Variants in GORASP2 observed in about 807,000 individuals in gnomAD.
GORASP2 encodes Golgi reassembly-stacking protein 2.
In GORASP2, 22 loss-of-function variants were observed where a neutral mutation model predicts 45.7. The observed-to-expected ratio is 0.48, with a 90% CI of 0.34 to 0.69. The LOEUF is 0.69. GORASP2 is among the 30% of genes least tolerant of loss of function. The pLI is 0.01. For synonymous variants in GORASP2, 221 were observed against 215.6 expected, an observed-to-expected ratio of 1.02 and a Z score of -0.22; for missense variants, 491 against 562.7, an observed-to-expected ratio of 0.87 and a Z score of 1.29.
At chr2:170,949,386 C>G (rs1280094090) in intron 2 of GORASP2, 153 bp from the exon 3 acceptor site, 2 of 596,862 alleles carry the variant, frequency 3.4e-6, no homozygotes, top group African/African-American at 1.9e-5. Flanking sequence ...TCTTGACATT[C>G]TTTTACATAG....
Position 170,966,158 on chromosome 2 carries a change from G to A in GORASP2, c.*28G>A, listed in dbSNP as rs1575482771. On this transcript the variant is annotated 3_prime_UTR_variant, in exon 10 of 10. Coordinates refer to ENST00000234160, the MANE Select transcript of GORASP2 (RefSeq NM_015530.5). ...TTGAACCATTCTTTGGAATTGGCGT[G>A]GTATATTTAACCACGGGAGCGTGTC... 3 of 1,530,090 alleles carry A rather than the reference G, an allele frequency of 2.0e-6. No individual in the cohort carries two copies. Among genetic ancestry groups the A allele is most frequent in the Non-Finnish European group, 2.7e-6 (3 of 1,103,678 alleles). 94.8% of individuals were successfully genotyped at this position (1,530,090 alleles called of 1,614,324 possible).
chr2:170,929,361 C>T lies in GORASP2; in HGVS notation c.21C>T (p.Val7=). 1 of 1,404,956 alleles carries T rather than the reference C, an allele frequency of 7.1e-7. No individual in the cohort carries two copies. The highest frequency in any genetic ancestry group is 9.3e-7 in the Non-Finnish European group (1 of 1,078,216). 87.0% of individuals were successfully genotyped at this position (1,404,956 alleles called of 1,614,324 possible). ...CCGCCATGGGCTCCTCGCAAAGCGT[C>T]GAGATCCCGGGCGGGGGCACCGAGG... MGSSQS[V]EIPGGGTEGY... is the part of the protein sequence containing the mutation. The change falls in exon 1 of 10, where the codon GTC becomes GTT. Residue 7 remains valine, a synonymous_variant. Transcript: ENST00000234160.
intron 1 of GORASP2, among the ~76,000 whole-genome samples, chr2:170,930,398 G>C (rs935096267): frequency 6.6e-6 from 1 of 152,164 alleles, no homozygotes; most frequent in Non-Finnish European, 1.5e-5. Flanking sequence ...GGGTGTAATA[G>C]AGTGTCACTC....
intron 4 of GORASP2, among the ~76,000 whole-genome samples, chr2:170,950,571 A>G (rs921852245): frequency 1.3e-5 from 2 of 152,186 alleles, no homozygotes; most frequent in African/African-American, 2.4e-5. Flanking sequence ...CTCATTTTCA[A>G]TTGTTCATTG....
intron 8 of GORASP2, 34 bp from the exon 9 acceptor site, chr2:170,962,805 A>G (rs760824936): frequency 3.6e-6 from 5 of 1,386,596 alleles, no homozygotes; most frequent in Admixed American, 1.7e-5. Flanking sequence ...AGGTCAAGTG[A>G]TTTCTCTTTT....
At chr2:170,938,866 G>A (rs1324126132) in intron 1 of GORASP2, among the ~76,000 whole-genome samples, 2 of 152,126 alleles carry the variant, frequency 1.3e-5, no homozygotes, top group Admixed American at 6.5e-5. Flanking sequence ...GGCAGTGGGC[G>A]CCTGTAATCC....
At chr2:170,934,264 TG>T (rs1218673469) in intron 1 of GORASP2, among the ~76,000 whole-genome samples, 1 of 151,758 alleles carries the variant, frequency 6.6e-6, no homozygotes, top group Non-Finnish European at 1.5e-5. Context: ...TTTTTGTTGT[TG>T]TTGTTGTTGT....
chr2:170,933,040 CT>C (rs35969498), intron 1 of GORASP2, among the ~76,000 whole-genome samples: 13 of 150,760 alleles, frequency 8.6e-5, no homozygotes, highest in Non-Finnish European at 1.0e-4. Context: ...TGGATGGTGA[CT>C]TTTTTTTTAA....
chr2:170,959,983 A>G (rs1382768515), intron 7 of GORASP2, among the ~76,000 whole-genome samples: 1 of 151,654 alleles, frequency 6.6e-6, no homozygotes, highest in African/African-American at 2.4e-5. Context: ...CCCCATGCCC[A>G]GTTAATTTTG....
chr2:170,929,383 G>T lies in GORASP2; in HGVS notation c.43G>T (p.Glu15Ter). 1 of 1,419,598 alleles carries T rather than the reference G, an allele frequency of 7.0e-7. No individual in the cohort carries two copies. Among genetic ancestry groups the T allele is most frequent in the Non-Finnish European group, 9.2e-7 (1 of 1,084,854 alleles). 87.9% of individuals were successfully genotyped at this position (1,419,598 alleles called of 1,614,324 possible). Residue 15 changes from glutamate to a stop codon, truncating the protein, a stop_gained, in exon 1 of 10, where the codon GAG (glutamate) becomes TAG (stop). Coordinates refer to ENST00000234160, the MANE Select transcript of GORASP2 (RefSeq NM_015530.5). LOFTEE classifies it high-confidence loss of function. The stretch of plus-strand genomic sequence containing the variant: ...CGTCGAGATCCCGGGCGGGGGCACC[G>T]AGGGCTACCACGTTCTGCGGGTAAG... ...QSVEIPGGGT[E>*]GYHVLRVQEN...
chr2:170,959,532 T>C (rs537715738), intron 7 of GORASP2, among the ~76,000 whole-genome samples: 2 of 152,306 alleles, frequency 1.3e-5, no homozygotes, highest in Admixed American at 1.3e-4. Flanking sequence ...GACTAAAATG[T>C]TCTAGCATCA....
intron 5 of GORASP2, chr2:170,953,988 C>T (rs139449506): frequency 5.2e-4 from 79 of 152,354 alleles, no homozygotes; most frequent in African/African-American, 1.8e-3. Flanking sequence ...AGAAGTAATT[C>T]CCCAAAGGGA....
At chr2:170,929,211 C>A, upstream of GORASP2, 1 of 631,160 alleles carries the variant, frequency 1.6e-6, no homozygotes, top group Non-Finnish European at 2.3e-6. Context: ...TCCCGGCGGG[C>A]TGTGCGGCCC....
At chr2:170,931,258 A>C (rs1703815986) in intron 1 of GORASP2, among the ~76,000 whole-genome samples, 1 of 152,312 alleles carries the variant, frequency 6.6e-6, no homozygotes, top group African/African-American at 2.4e-5. Flanking sequence ...TACTAAAGAG[A>C]GCTTTAAAAT....
At chr2:170,946,929 G>A (rs1704192270) in intron 1 of GORASP2, among the ~76,000 whole-genome samples, 1 of 152,160 alleles carries the variant, frequency 6.6e-6, no homozygotes, top group African/African-American at 2.4e-5. Context: ...AACAGAGCAA[G>A]ACTCTTGTCT....
intron 1 of GORASP2, among the ~76,000 whole-genome samples, chr2:170,943,686 T>C (rs1704124744): frequency 6.6e-6 from 1 of 152,188 alleles, no homozygotes; most frequent in Admixed American, 6.5e-5. Flanking sequence ...TATTTATTTA[T>C]TTGTGAGATG....
chr2:170,951,511 A>G (rs1450045292), intron 5 of GORASP2, 53 bp downstream of exon 5: 7 of 1,344,388 alleles, frequency 5.2e-6, no homozygotes, highest in Non-Finnish European at 7.2e-6. Context: ...CCAGTCAGAT[A>G]TGTTGCAGAC....
chr2:170,965,462 T>C (rs1704661993), intron 9 of GORASP2, among the ~76,000 whole-genome samples: 2 of 152,172 alleles, frequency 1.3e-5, no homozygotes, highest in African/African-American at 4.8e-5. Context: ...TGACATCCAG[T>C]GTAGCTGTGT....
intron 7 of GORASP2, among the ~76,000 whole-genome samples, chr2:170,959,257 C>G (rs779351173): frequency 6.6e-6 from 1 of 152,174 alleles, no homozygotes; most frequent in Non-Finnish European, 1.5e-5. Flanking sequence ...CCATCGTGCC[C>G]GGCCCCAGAT....
Sources: allele counts gnomAD v4.1 joint callset (sites outside exome capture counted in the v4.1 genomes callset), GRCh38; gene constraint gnomAD v4.1.1; transcripts MANE v1.5; gene names NCBI Gene and HGNC (gene_info 2026-07-23, HGNC 2026-07-21).